Variants in B3GALT5 observed in about 807,000 individuals in gnomAD.
The protein encoded by B3GALT5 is UDP-Gal:betaGlcNAc beta 1,3-galactosyltransferase, polypeptide 5.
For missense variants in B3GALT5, 328 were observed against 396.6 expected (o/e 0.83, Z 1.47); for synonymous variants, 156 against 158.6 (o/e 0.98, Z 0.12).
chr21:39,626,500 G>A (rs1052280296), intron 1 of B3GALT5, among the ~76,000 whole-genome samples: 10 of 152,136 alleles, frequency 6.6e-5, no homozygotes, highest in African/African-American at 2.4e-4. Context: ...TTGAGGAGCT[G>A]TGATATCATT....
intron 1 of B3GALT5, among the ~76,000 whole-genome samples, chr21:39,627,974 G>A (rs868748058): frequency 2.6e-5 from 4 of 152,126 alleles, no homozygotes; most frequent in Non-Finnish European, 5.9e-5. Flanking sequence ...GAAATGATAG[G>A]CATTTATACT....
At chr21:39,635,006 C>T (rs1405144820) in intron 1 of B3GALT5, among the ~76,000 whole-genome samples, 1 of 152,054 alleles carries the variant, frequency 6.6e-6, no homozygotes, top group African/African-American at 2.4e-5. Context: ...CAAGAATGTC[C>T]CACTGTGAAA....
At chr21:39,624,805 T>TAA (rs978803239) in intron 1 of B3GALT5, among the ~76,000 whole-genome samples, 4 of 143,730 alleles carry the variant, frequency 2.8e-5, no homozygotes, top group Non-Finnish European at 6.1e-5. Context: ...TCAGTTTACC[T>TAA]AAAAAAAAAA....
chr21:39,613,095 G>T (rs988343011), intron 1 of B3GALT5, 28 bp downstream of exon 1: 5 of 148,872 alleles, frequency 3.4e-5, no homozygotes, highest in African/African-American at 9.7e-5. Flanking sequence ...GGCGCGGGGC[G>T]CGGGGAGCGC....
chr21:39,649,667 G>T (rs2079376085), intron 2 of B3GALT5, among the ~76,000 whole-genome samples: 1 of 152,084 alleles, frequency 6.6e-6, no homozygotes, highest in Non-Finnish European at 1.5e-5. Context: ...GGGGCGAGGG[G>T]GATTCTGGCT....
intron 1 of B3GALT5, among the ~76,000 whole-genome samples, chr21:39,634,562 A>G (rs888851513): frequency 3.9e-5 from 6 of 151,952 alleles, no homozygotes; most frequent in Admixed American, 3.3e-4. Context: ...GCTCACATCT[A>G]TAAATGACGG....
intron 1 of B3GALT5, among the ~76,000 whole-genome samples, chr21:39,615,280 G>T (rs1005109822): frequency 6.6e-6 from 1 of 152,158 alleles, no homozygotes; most frequent in African/African-American, 2.4e-5. Context: ...TTCTTTGCCC[G>T]TGGAAGGAGG....
chr21:39,628,554 C>T (rs902175800), intron 1 of B3GALT5, among the ~76,000 whole-genome samples: 8 of 152,326 alleles, frequency 5.3e-5, no homozygotes, highest in East Asian at 1.9e-4. Context: ...TCCTGGAGGA[C>T]GTTTCGACCT....
In B3GALT5 at chr21:39,660,629, A is replaced by G; in HGVS notation, c.70A>G (p.Ser24Gly). The change falls in exon 4 of 4, where the codon AGC (serine) becomes GGC (glycine). Residue 24 changes from serine to glycine, a missense_variant. Physicochemically the swap from Ser to Gly is moderately conservative, Grantham distance 56. Transcript: ENST00000684187. ...LVLGALCLYFSMYSLNPFKEQ... is the reference protein window; with the variant it reads ...LVLGALCLYFGMYSLNPFKEQ... ...TCTGGGGGCTCTTTGTTTGTATTTT[A>G]GCATGTACAGTCTAAATCCTTTCAA... 1.3e-6 allele frequency: 2 copies of G among 1,501,536 alleles called. No homozygotes were observed. Among genetic ancestry groups the G allele is most frequent in the Non-Finnish European group, 1.8e-6 (2 of 1,126,076 alleles). 93.0% of individuals were successfully genotyped at this position (1,501,536 alleles called of 1,614,324 possible).
chr21:39,641,916 G>A (rs964139920), intron 1 of B3GALT5, among the ~76,000 whole-genome samples: 24 of 152,124 alleles, frequency 1.6e-4, no homozygotes, highest in African/African-American at 5.8e-4. Flanking sequence ...TGCTTTGATA[G>A]CCAGACTAAG....
At chr21:39,626,245 T>C (rs1262575207) in intron 1 of B3GALT5, among the ~76,000 whole-genome samples, 1 of 152,232 alleles carries the variant, frequency 6.6e-6, no homozygotes, top group Non-Finnish European at 1.5e-5. Flanking sequence ...TGTTGGAGCA[T>C]GTGACAGAAT....
chr21:39,635,162 G>A (rs2079218164), intron 1 of B3GALT5, among the ~76,000 whole-genome samples: 1 of 152,206 alleles, frequency 6.6e-6, no homozygotes, highest in Non-Finnish European at 1.5e-5. Flanking sequence ...TGCGGGACCC[G>A]TGTTGATATT....
chr21:39,645,954 C>T (rs776881115), intron 1 of B3GALT5, among the ~76,000 whole-genome samples: 1 of 150,822 alleles, frequency 6.6e-6, no homozygotes, highest in Non-Finnish European at 1.5e-5. Flanking sequence ...CCCGCAGCCG[C>T]CCTCTGCCTC....
chr21:39,667,965 C>T lies in B3GALT5; in HGVS notation c.*6473C>T, dbSNP rs1457793097. 6.6e-6 allele frequency: 1 copy of T among 152,240 alleles called. No individual in the cohort carries two copies. The highest frequency in any genetic ancestry group is 1.5e-5 in the Non-Finnish European group (1 of 68,058). 9.4% of individuals were successfully genotyped at this position (152,240 alleles called of 1,614,324 possible). A position where few individuals can be genotyped will look rare whatever the true frequency, so the allele number is the denominator to read the frequency against. On this transcript the variant is annotated 3_prime_UTR_variant, in exon 4 of 4. Coordinates refer to ENST00000684187, the MANE Select transcript of B3GALT5 (RefSeq NM_001356336.2). ...AATGGGATGATAATAGTGTTCACCT[C>T]AGAAGGTTGTCAGAGGTGTGGAAAT...
chr21:39,625,218 G>A (rs1402999696), intron 1 of B3GALT5, among the ~76,000 whole-genome samples: 5 of 152,224 alleles, frequency 3.3e-5, no homozygotes, highest in Non-Finnish European at 7.3e-5. Context: ...ATCAGGTAGA[G>A]GGAGGAGTTT....
chr21:39,646,937 GA>G lies in B3GALT5; in HGVS notation c.-161+321del, dbSNP rs574694104. 1.9e-3 allele frequency among the ~76,000 whole-genome samples: 292 copies of G among 151,960 alleles called. 4 individuals are homozygous for G. Among genetic ancestry groups the G allele is most frequent in the African/African-American group, 6.3e-3 (262 of 41,438 alleles). On this transcript the variant is annotated intron_variant, in intron 2 of 3. Coordinates refer to ENST00000684187, the MANE Select transcript of B3GALT5 (RefSeq NM_001356336.2). ...GTAATATAGCAAAACCCCATCTCTAGAAAAAATACAAAAATTCCCTGGGTGT... is the reference window on the plus strand; with the variant it reads ...GTAATATAGCAAAACCCCATCTCTAGAAAAATACAAAAATTCCCTGGGTGT...
In B3GALT5 at chr21:39,672,500, CTT is replaced by C. The variant is rs1221447275; in HGVS notation, c.*11009_*11010del. The stretch of plus-strand genomic sequence containing the variant: ...GTATATTAGGGGGATCTGCTAGACT[CTT>C]ATGTCATTGTATTTTGGAAATGGGT... On this transcript the variant is annotated 3_prime_UTR_variant, in exon 4 of 4. Coordinates refer to ENST00000684187, the MANE Select transcript of B3GALT5 (RefSeq NM_001356336.2). 2 of 152,140 alleles carry C rather than the reference CTT, an allele frequency of 1.3e-5. No homozygotes were observed. The highest frequency in any genetic ancestry group is 2.9e-5 in the Non-Finnish European group (2 of 68,016). 9.4% of individuals were successfully genotyped at this position (152,140 alleles called of 1,614,324 possible). A position where few individuals can be genotyped will look rare whatever the true frequency, so the allele number is the denominator to read the frequency against.
chr21:39,652,172 G>A (rs999050316), intron 2 of B3GALT5, among the ~76,000 whole-genome samples: 5 of 152,174 alleles, frequency 3.3e-5, no homozygotes, highest in African/African-American at 7.2e-5. Context: ...AGGTGCCAGC[G>A]GGCTCTCAGT....
At chr21:39,659,174 A>G (rs1022627359) in intron 2 of B3GALT5, among the ~76,000 whole-genome samples, 12 of 152,336 alleles carry the variant, frequency 7.9e-5, no homozygotes, top group Admixed American at 2.6e-4. Flanking sequence ...GCTTGAGCCC[A>G]GGAGTTCAGG....
Sources: allele counts gnomAD v4.1 joint callset (sites outside exome capture counted in the v4.1 genomes callset), GRCh38; gene constraint gnomAD v4.1.1; transcripts MANE v1.5; gene names NCBI Gene and HGNC (gene_info 2026-07-23, HGNC 2026-07-21).